Variants in RNF150 observed in about 807,000 individuals in gnomAD.
RNF150 encodes ring finger protein 150.
A neutral mutation model predicts 39.3 loss-of-function variants in RNF150; 24 were observed. The ratio of observed to expected loss-of-function variants is 0.61; its 90% confidence interval spans 0.44 to 0.86. The LOEUF (loss-of-function observed/expected upper bound fraction) is 0.86, where lower values mean the gene tolerates loss of function less well. RNF150 is among the 40% of genes least tolerant of loss of function. The pLI is 0.00. For missense variants in RNF150, 502 were observed against 587.8 expected (o/e 0.85, Z 1.51); for synonymous variants, 255 against 227.3 (o/e 1.12, Z -1.10).
intron 1 of RNF150, among the ~76,000 whole-genome samples, chr4:140,980,524 T>A (rs1733820544): frequency 6.6e-6 from 1 of 152,110 alleles, no homozygotes; most frequent in African/African-American, 2.4e-5. Context: ...TGCCCCCAGA[T>A]CTCATCTTGA....
intron 1 of RNF150, among the ~76,000 whole-genome samples, chr4:141,122,150 A>G (rs1726624059): frequency 6.6e-6 from 1 of 152,198 alleles, no homozygotes; most frequent in Non-Finnish European, 1.5e-5. Flanking sequence ...CGAAAAGCCA[A>G]TTTGAGAGAG....
chr4:140,880,830 ATAT>A (rs1223713893), intron 6 of RNF150, among the ~76,000 whole-genome samples: 3 of 151,980 alleles, frequency 2.0e-5, no homozygotes, highest in Non-Finnish European at 2.9e-5. Flanking sequence ...TAGTCTCATA[ATAT>A]TTTTTATTTC....
intron 1 of RNF150, among the ~76,000 whole-genome samples, chr4:141,023,467 T>G (rs1296219292): frequency 6.6e-6 from 1 of 152,038 alleles, no homozygotes; most frequent in Non-Finnish European, 1.5e-5. Flanking sequence ...TTGGCCAGGC[T>G]GGTCTTGAAC....
chr4:141,153,492 T>C (rs1479440202), intron 1 of RNF150, among the ~76,000 whole-genome samples: 1 of 152,182 alleles, frequency 6.6e-6, no homozygotes, highest in Non-Finnish European at 1.5e-5. Context: ...GCTGACACCT[T>C]GATCTTGAAC....
intron 2 of RNF150, among the ~76,000 whole-genome samples, chr4:140,955,977 A>C (rs1192147974): frequency 6.6e-6 from 1 of 152,230 alleles, no homozygotes; most frequent in African/African-American, 2.4e-5. Context: ...ACTTTACTGA[A>C]TGTCATTACC....
At position 140,861,317 on chromosome 4, in the gene RNF150, A is replaced by G. The variant is rs1053114955; in HGVS notation, c.*6944T>C. On this transcript the variant is annotated 3_prime_UTR_variant, in exon 7 of 7. Coordinates refer to ENST00000515673, the MANE Select transcript of RNF150 (RefSeq NM_020724.2). ...AGGCATCTTCTTTGCAAACAGAGCA[A>G]CATTATCCTTCAACATTTTGCAGAA... The G allele has an allele frequency of 6.6e-6, 1 of 152,218 alleles. No individual in the cohort carries two copies. Among genetic ancestry groups the G allele is most frequent in the African/African-American group, 2.4e-5 (1 of 41,466 alleles). The allele number at this position is 152,218 out of a possible 1,614,324, so 9.4% of individuals were successfully genotyped here.
chr4:141,000,023 G>GAAAAGAAGAA (rs1379824023), intron 1 of RNF150, among the ~76,000 whole-genome samples: 25 of 30,840 alleles, frequency 8.1e-4, no homozygotes, highest in Non-Finnish European at 1.5e-3. Context: ...AGAAGAAGAA[G>GAAAAGAAGAA]AAGAAGAAGA....
At chr4:141,180,809 G>T (rs1282100919) in intron 1 of RNF150, among the ~76,000 whole-genome samples, 2 of 151,810 alleles carry the variant, frequency 1.3e-5, no homozygotes, top group African/African-American at 4.8e-5. Flanking sequence ...GCCCCACTAG[G>T]GTGTTGTTTT....
chr4:141,104,631 A>G (rs1424631288), intron 1 of RNF150, among the ~76,000 whole-genome samples: 1 of 152,214 alleles, frequency 6.6e-6, no homozygotes, highest in African/African-American at 2.4e-5. Context: ...ACAGCAATTG[A>G]TGATTCTATT....
intron 4 of RNF150, among the ~76,000 whole-genome samples, chr4:140,931,661 T>C (rs1731642327): frequency 6.6e-6 from 1 of 152,186 alleles, no homozygotes; most frequent in African/African-American, 2.4e-5. Flanking sequence ...GAAGACAAGA[T>C]AATCCATCTC....
chr4:141,002,365 A>G (rs949365111), intron 1 of RNF150, among the ~76,000 whole-genome samples: 1 of 152,138 alleles, frequency 6.6e-6, no homozygotes, highest in Non-Finnish European at 1.5e-5. Context: ...TCTCATTCTA[A>G]GAACAGATCT....
intron 1 of RNF150, among the ~76,000 whole-genome samples, chr4:141,010,665 C>T (rs769756579): frequency 1.3e-5 from 2 of 152,198 alleles, no homozygotes; most frequent in African/African-American, 2.4e-5. Context: ...TGAGGGACTG[C>T]GTGAGCATGT....
intron 1 of RNF150, among the ~76,000 whole-genome samples, chr4:141,070,901 T>C (rs1367957552): frequency 6.8e-6 from 1 of 146,856 alleles, no homozygotes; most frequent in Non-Finnish European, 1.5e-5. Flanking sequence ...CAAATGACTA[T>C]AAATCATGCT....
At chr4:141,201,673 G>A (rs546021980) in intron 1 of RNF150, among the ~76,000 whole-genome samples, 5 of 152,070 alleles carry the variant, frequency 3.3e-5, no homozygotes, top group African/African-American at 1.2e-4. Context: ...TTAAATCAGG[G>A]ACTCCACTTC....
intron 1 of RNF150, among the ~76,000 whole-genome samples, chr4:141,043,993 C>T (rs1736465078): frequency 6.6e-6 from 1 of 152,142 alleles, no homozygotes; most frequent in Admixed American, 6.5e-5. Context: ...TCATCTAACA[C>T]TCACAACATC....
Position 140,945,022 on chromosome 4 carries a change from A to G in RNF150, c.890+2632T>C, listed in dbSNP as rs182221768. ...AAAATGTATGAGCTATTCAGAACAG[A>G]TATGTGTGACTAGAATAAGATCAAA... On this transcript the variant is annotated intron_variant, in intron 4 of 6. Transcript: ENST00000515673. Among the ~76,000 whole-genome samples the G allele has an allele frequency of 2.1e-3, 315 of 152,376 alleles. 3 individuals are homozygous for G. The highest frequency in any genetic ancestry group is 7.1e-3 in the African/African-American group (296 of 41,592).
chr4:140,960,174 T>A (rs539493555), intron 2 of RNF150, among the ~76,000 whole-genome samples: 6 of 152,278 alleles, frequency 3.9e-5, no homozygotes, highest in Admixed American at 1.3e-4. Flanking sequence ...GCCATGAGAG[T>A]TGACCTAAAT....
At chr4:141,105,985 T>C (rs774696478) in intron 1 of RNF150, among the ~76,000 whole-genome samples, 22 of 152,176 alleles carry the variant, frequency 1.4e-4, no homozygotes, top group Non-Finnish European at 2.6e-4. Context: ...CCATCTCACC[T>C]ATTTTTCAGT....
chr4:141,050,520 C>T (rs4499772), intron 1 of RNF150, among the ~76,000 whole-genome samples: 4,591 of 152,282 alleles, frequency 0.03, 250 homozygotes, highest in African/African-American at 0.1. Context: ...AATGGGGGTA[C>T]AGGCATTGCC....
Sources: gnomAD v4.1 joint callset for allele counts (sites outside exome capture counted in the v4.1 genomes callset) on GRCh38, gnomAD v4.1.1 for gene constraint, MANE v1.5 for transcripts, NCBI Gene and HGNC (gene_info 2026-07-23, HGNC 2026-07-21) for gene names.